Variants in PIEZO2 observed in about 807,000 individuals in gnomAD.
PIEZO2 encodes piezo type mechanosensitive ion channel component 2, also known as piezo-type mechanosensitive ion channel component 2.
In PIEZO2, 172 loss-of-function variants were observed where a neutral mutation model predicts 337.3. The ratio of observed to expected loss-of-function variants is 0.51; its 90% CI spans 0.45 to 0.58. The LOEUF (loss-of-function observed/expected upper bound fraction) is 0.58, where lower values mean the gene tolerates loss of function less well. Among genes scored for constraint, PIEZO2 ranks in the 20% least tolerant of loss-of-function variants. The probability of loss-of-function intolerance (pLI) is 0.00; values close to 1 mark genes in which losing one functional copy is unlikely to be tolerated. For synonymous variants in PIEZO2, 1,251 were observed against 1,228.5 expected (o/e 1.02, Z -0.38); for missense variants, 3,028 against 3,391.3 (o/e 0.89, Z 2.66).
chr18:10,922,920 T>G, intron 3 of PIEZO2, among the ~76,000 whole-genome samples: 1 of 152,212 alleles, frequency 6.6e-6, no homozygotes, highest in Non-Finnish European at 1.5e-5. Context: ...TTCTTCATTA[T>G]GAAGAATAGA....
Position 11,001,905 on chromosome 18 carries a change from A to AGAAGGAAGGAAGGAAGGAAGGAAGGAAG in PIEZO2, c.161-22273_161-22246dup, listed in dbSNP as rs56275136. Among the ~76,000 whole-genome samples, 41 of 139,316 alleles carry AGAAGGAAGGAAGGAAGGAAGGAAGGAAG rather than the reference A, an allele frequency of 2.9e-4. No homozygotes were observed. Among genetic ancestry groups the AGAAGGAAGGAAGGAAGGAAGGAAGGAAG allele is most frequent in the African/African-American group, 1.0e-3 (36 of 35,998 alleles). 91.4% of individuals were successfully genotyped at this position (139,316 alleles called of 152,430 possible). A position where few individuals can be genotyped will look rare whatever the true frequency, so the allele number is the denominator to read the frequency against. ...AAAAGGAGAAAAAGGGAAGGAAGGA[A>AGAAGGAAGGAAGGAAGGAAGGAAGGAAG]GAAGGAAGGAAGGAAGGAAGGAAGG... is the stretch of plus-strand genomic sequence containing the variant. On this transcript the variant is annotated intron_variant, in intron 2 of 55. Coordinates refer to ENST00000674853, the MANE Select transcript of PIEZO2 (RefSeq NM_001378183.1). The surrounding 1 kb of genome is among the most constrained non-coding windows in gnomAD (Gnocchi z 5.3).
intron 1 of PIEZO2, among the ~76,000 whole-genome samples, chr18:11,068,253 T>A (rs1409942748): frequency 1.3e-5 from 2 of 152,178 alleles, no homozygotes; most frequent in Non-Finnish European, 2.9e-5. Context: ...ACATGGAGGA[T>A]TCTCAGAATA....
chr18:10,736,499 G>C (rs943752098), intron 34 of PIEZO2, 105 bp downstream of exon 34: 1 of 1,427,498 alleles, frequency 7.0e-7, no homozygotes, highest in Non-Finnish European at 9.3e-7. Flanking sequence ...GCTTCGGGGA[G>C]CTATGACATA....
chr18:10,704,037 A>G (rs1235520242), intron 42 of PIEZO2, among the ~76,000 whole-genome samples: 2 of 152,176 alleles, frequency 1.3e-5, no homozygotes, highest in Non-Finnish European at 2.9e-5. Flanking sequence ...TCAGTGATTA[A>G]TATCGTAGGT....
chr18:10,934,984 T>G (rs1015500439), intron 3 of PIEZO2, among the ~76,000 whole-genome samples: 1 of 152,146 alleles, frequency 6.6e-6, no homozygotes, highest in African/African-American at 2.4e-5. Flanking sequence ...CACACAATCA[T>G]GAAGCAGAAA....
At chr18:10,749,841 T>C (rs1276202049) in intron 29 of PIEZO2, among the ~76,000 whole-genome samples, 1 of 152,136 alleles carries the variant, frequency 6.6e-6, no homozygotes, top group African/African-American at 2.4e-5. Flanking sequence ...CTACATCCAA[T>C]CTCCAGACCC....
intron 4 of PIEZO2, among the ~76,000 whole-genome samples, chr18:10,875,151 A>T (rs1314045322): frequency 6.6e-6 from 1 of 152,188 alleles, no homozygotes; most frequent in Non-Finnish European, 1.5e-5. Flanking sequence ...CTTAATTTTT[A>T]CAAATCGCCT....
At chr18:10,968,591 T>C (rs189184765) in intron 3 of PIEZO2, among the ~76,000 whole-genome samples, 1 of 151,090 alleles carries the variant, frequency 6.6e-6, no homozygotes, top group East Asian at 1.9e-4. Context: ...GTTATGTCCA[T>C]TTATAAAATA....
At chr18:11,117,099 C>CTG (rs2039913124) in intron 1 of PIEZO2, among the ~76,000 whole-genome samples, 1 of 152,154 alleles carries the variant, frequency 6.6e-6, no homozygotes, top group Non-Finnish European at 1.5e-5. Context: ...GAGCAAGATT[C>CTG]TGTCCCCCCC....
intron 3 of PIEZO2, among the ~76,000 whole-genome samples, chr18:10,931,625 C>G (rs1187929575): frequency 6.6e-6 from 1 of 152,102 alleles, no homozygotes. Flanking sequence ...CCACTGTTAA[C>G]AAGTTGTTAC....
intron 47 of PIEZO2, among the ~76,000 whole-genome samples, chr18:10,692,276 T>C (rs1214269128): frequency 6.6e-6 from 1 of 152,204 alleles, no homozygotes; most frequent in Non-Finnish European, 1.5e-5. Flanking sequence ...ATTCTCCAAA[T>C]GTCTTAAACA....
intron 7 of PIEZO2, among the ~76,000 whole-genome samples, chr18:10,808,962 T>C (rs926654008): frequency 1.3e-5 from 2 of 152,180 alleles, no homozygotes; most frequent in African/African-American, 4.8e-5. Flanking sequence ...AAAATACTTG[T>C]TTTGTCCCAT....
At chr18:11,023,189 C>T (rs919525877) in intron 2 of PIEZO2, among the ~76,000 whole-genome samples, 5 of 152,142 alleles carry the variant, frequency 3.3e-5, no homozygotes, top group African/African-American at 1.2e-4. Flanking sequence ...ACCCAGTTGC[C>T]ACTGCTGGCT....
chr18:10,673,768 A>G lies in PIEZO2; in HGVS notation c.8162-895T>C, dbSNP rs2033878803. On this transcript the variant is annotated intron_variant, in intron 54 of 55. Coordinates refer to ENST00000674853, the MANE Select transcript of PIEZO2 (RefSeq NM_001378183.1). The surrounding 1 kb of genome is among the most constrained non-coding windows in gnomAD (Gnocchi z 4.8). ...ATAAACTAAACTGTGTGAAGGTGGGAGCAACATCAGCATCATTTCATACTA... is the reference window on the plus strand; with the variant it reads ...ATAAACTAAACTGTGTGAAGGTGGGGGCAACATCAGCATCATTTCATACTA... 6.6e-6 allele frequency among the ~76,000 whole-genome samples: 1 copy of G among 152,170 alleles called. No homozygotes were observed. Among genetic ancestry groups the G allele is most frequent in the Non-Finnish European group, 1.5e-5 (1 of 68,028 alleles).
intron 3 of PIEZO2, among the ~76,000 whole-genome samples, chr18:10,974,382 G>C (rs2034359288): frequency 6.6e-6 from 1 of 152,170 alleles, no homozygotes; most frequent in East Asian, 1.9e-4. Context: ...ATGCATCTGA[G>C]GGGGCTAACC....
chr18:10,721,625 C>T (rs952989935), intron 36 of PIEZO2, among the ~76,000 whole-genome samples: 2 of 151,418 alleles, frequency 1.3e-5, no homozygotes, highest in South Asian at 2.1e-4. Flanking sequence ...AAAATTAAAA[C>T]GAACTCTATA....
intron 2 of PIEZO2, among the ~76,000 whole-genome samples, chr18:11,049,630 G>A (rs1393790056): frequency 6.6e-6 from 1 of 152,158 alleles, no homozygotes; most frequent in Non-Finnish European, 1.5e-5. Context: ...CGTGGTGGAA[G>A]GTAACTGAAT....
chr18:10,704,305 C>T (rs1027573954), intron 42 of PIEZO2, 89 bp downstream of exon 42: 11 of 1,466,856 alleles, frequency 7.5e-6, no homozygotes, highest in South Asian at 1.4e-5. Flanking sequence ...AGGGCAGGCC[C>T]GTCTCAAGAG....
chr18:10,987,895 C>T (rs187016184), intron 2 of PIEZO2, among the ~76,000 whole-genome samples: 1 of 152,182 alleles, frequency 6.6e-6, no homozygotes, highest in East Asian at 1.9e-4. Context: ...ATAGATATTT[C>T]TCCAAAGAAT....
Sources: allele counts gnomAD v4.1 joint callset (sites outside exome capture counted in the v4.1 genomes callset), GRCh38; gene constraint gnomAD v4.1.1; non-coding constraint Gnocchi (gnomAD v3.1); transcripts MANE v1.5; gene names NCBI Gene and HGNC (gene_info 2026-07-23, HGNC 2026-07-21).